TTC7B: variants seen among roughly 807,000 people sequenced by gnomAD.
The protein encoded by TTC7B is tetratricopeptide repeat domain 7B, also known as tetratricopeptide repeat protein 7B.
TTC7B carries 28 observed loss-of-function variants against 106.8 expected under a neutral mutation model. The ratio of observed to expected loss-of-function variants is 0.26; its 90% CI spans 0.19 to 0.36. The LOEUF (loss-of-function observed/expected upper bound fraction) is 0.36. Ranked by LOEUF, TTC7B falls within the 10% of genes least tolerant of loss-of-function variation. The probability of loss-of-function intolerance (pLI) is 1.00; values close to 1 mark genes in which losing one functional copy is unlikely to be tolerated. For synonymous variants in TTC7B, 405 were observed against 430.6 expected, an observed-to-expected ratio of 0.94 and a Z score of 0.74; for missense variants, 862 against 1,076.4, an observed-to-expected ratio of 0.80 and a Z score of 2.79.
intron 3 of TTC7B, among the ~76,000 whole-genome samples, chr14:90,778,569 C>T (rs1415714252): frequency 6.7e-6 from 1 of 150,256 alleles, no homozygotes; most frequent in African/African-American, 2.5e-5. Context: ...CTTTGCTGTG[C>T]TTCCAGAATG....
chr14:90,653,025 A>G, intron 12 of TTC7B, 127 bp from the exon 13 acceptor site: 2 of 943,536 alleles, frequency 2.1e-6, no homozygotes, highest in South Asian at 1.4e-5. Context: ...CTACGTGCCC[A>G]GTCCTGCACC....
At chr14:90,758,522 C>T (rs1460404058) in intron 3 of TTC7B, among the ~76,000 whole-genome samples, 2 of 152,232 alleles carry the variant, frequency 1.3e-5, no homozygotes, top group African/African-American at 2.4e-5. Flanking sequence ...ACGCCCGGAG[C>T]AGCTCCGCGC....
rs146209279 is a variant in TTC7B at position 90,605,936 on chromosome 14, A to C, written c.1966+4806T>G. On this transcript the variant is annotated intron_variant, in intron 17 of 19. Coordinates refer to ENST00000328459, the MANE Select transcript of TTC7B (RefSeq NM_001010854.2). ...TACAAGTGCTTTTCGAAGAAAACAA[A>C]TTTGTTTTTCCACTGGTTATTTAGT... 5.7e-3 allele frequency among the ~76,000 whole-genome samples: 875 copies of C among 152,374 alleles called. 11 individuals carry two copies. Among genetic ancestry groups the C allele is most frequent in the African/African-American group, 0.019 (806 of 41,584 alleles).
rs571282706 is a variant in TTC7B at position 90,565,041 on chromosome 14, T to A, written c.2310+13065A>T. Among the ~76,000 whole-genome samples the A allele has an allele frequency of 7.9e-5, 12 of 152,390 alleles. 1 individual carries two copies. Among genetic ancestry groups the A allele is most frequent in the African/African-American group, 2.6e-4 (11 of 41,592 alleles). On this transcript the variant is annotated intron_variant, in intron 19 of 19. Coordinates refer to ENST00000328459, the MANE Select transcript of TTC7B (RefSeq NM_001010854.2). ...TTGCACTTTTATGTTATGAGACAGCTTCTTAAACCTCATGAACTAACGTCT... is the reference window on the plus strand; with the variant it reads ...TTGCACTTTTATGTTATGAGACAGCATCTTAAACCTCATGAACTAACGTCT...
At chr14:90,682,466 G>T (rs1171188023) in intron 7 of TTC7B, among the ~76,000 whole-genome samples, 2 of 152,164 alleles carry the variant, frequency 1.3e-5, no homozygotes, top group African/African-American at 4.8e-5. Flanking sequence ...ACATTAGAAG[G>T]CTCCCTCTCA....
chr14:90,665,951 G>C (rs1002005154), intron 9 of TTC7B, among the ~76,000 whole-genome samples: 3 of 152,294 alleles, frequency 2.0e-5, no homozygotes, highest in Non-Finnish European at 1.5e-5. Context: ...AAGCTATTCA[G>C]ACATTTTGGG....
At chr14:90,557,347 G>C (rs1243982649) in intron 19 of TTC7B, among the ~76,000 whole-genome samples, 2 of 152,190 alleles carry the variant, frequency 1.3e-5, no homozygotes, top group African/African-American at 4.8e-5. Context: ...CACCCCTGCT[G>C]TGTGACCTCC....
Position 90,779,024 on chromosome 14 carries a change from G to T in TTC7B, c.445+1714C>A, listed in dbSNP as rs1595367364. On this transcript the variant is annotated intron_variant, in intron 3 of 19. Coordinates refer to ENST00000328459, the MANE Select transcript of TTC7B (RefSeq NM_001010854.2). The stretch of plus-strand genomic sequence containing the variant: ...CAGAAAGTGCTGGCAGCACTCAATG[G>T]CCAGCTCATGACTGTGCTGGAGGGA... Among the ~76,000 whole-genome samples the T allele has an allele frequency of 2.0e-5, 3 of 152,320 alleles. No homozygotes were observed. The East Asian group carries it at 5.8e-4, about 29-fold the overall frequency.
At chr14:90,563,894 A>C (rs1890686162) in intron 19 of TTC7B, among the ~76,000 whole-genome samples, 1 of 152,206 alleles carries the variant, frequency 6.6e-6, no homozygotes, top group South Asian at 2.1e-4. Flanking sequence ...TAATTCAGTC[A>C]CATCTCCGGG....
intron 1 of TTC7B, among the ~76,000 whole-genome samples, chr14:90,815,888 C>A (rs2031145291): frequency 1.3e-5 from 2 of 152,076 alleles, no homozygotes; most frequent in Non-Finnish European, 1.5e-5. Flanking sequence ...GAGCAGCGGA[C>A]TCGCTGAGAC....
chr14:90,741,497 C>T (rs1027665496), intron 4 of TTC7B, among the ~76,000 whole-genome samples: 1 of 152,134 alleles, frequency 6.6e-6, no homozygotes, highest in African/African-American at 2.4e-5. Flanking sequence ...CTCTGCCCAG[C>T]GGAGCAAACA....
intron 18 of TTC7B, among the ~76,000 whole-genome samples, chr14:90,586,548 G>T (rs916092811): frequency 4.3e-4 from 66 of 152,154 alleles, no homozygotes; most frequent in African/African-American, 1.5e-3. Context: ...GGGATTACAG[G>T]CATGAGCCAC....
At chr14:90,769,997 A>C (rs990220503) in intron 3 of TTC7B, among the ~76,000 whole-genome samples, 1 of 151,914 alleles carries the variant, frequency 6.6e-6, no homozygotes, top group Non-Finnish European at 1.5e-5. Context: ...AAAAATAAAA[A>C]AATTAGTAGG....
At chr14:90,583,431 C>G (rs1455548010) in intron 18 of TTC7B, among the ~76,000 whole-genome samples, 1 of 152,172 alleles carries the variant, frequency 6.6e-6, no homozygotes, top group Non-Finnish European at 1.5e-5. Flanking sequence ...AGGGAAGCAA[C>G]AGCAAATGAA....
At chr14:90,784,385 G>A (rs149174863) in intron 2 of TTC7B, among the ~76,000 whole-genome samples, 543 of 152,220 alleles carry the variant, frequency 3.6e-3, no homozygotes, top group African/African-American at 0.013. Flanking sequence ...GTGAAACCCT[G>A]TCTCTACTAA....
intron 19 of TTC7B, among the ~76,000 whole-genome samples, chr14:90,554,372 A>C (rs973843367): frequency 2.0e-5 from 3 of 152,236 alleles, no homozygotes; most frequent in Non-Finnish European, 2.9e-5. Context: ...GGAGAGGGTA[A>C]GTGTCCTGCC....
intron 14 of TTC7B, chr14:90,645,072 AAT>A (rs1223447570): frequency 6.6e-6 from 1 of 152,190 alleles, no homozygotes; most frequent in East Asian, 1.9e-4. Context: ...TAGATTTCGA[AAT>A]AGAGCTCTGG....
chr14:90,581,890 GAC>G (rs1303824105), intron 18 of TTC7B, among the ~76,000 whole-genome samples: 2 of 152,172 alleles, frequency 1.3e-5, no homozygotes, highest in Non-Finnish European at 2.9e-5. Flanking sequence ...GGAAATGGGA[GAC>G]ACAGACGGAA....
At chr14:90,672,553 A>G (rs1040218776) in intron 9 of TTC7B, among the ~76,000 whole-genome samples, 2 of 152,164 alleles carry the variant, frequency 1.3e-5, no homozygotes, top group Non-Finnish European at 2.9e-5. Context: ...TAGACCACTT[A>G]ATGCCTATCA....
Sources: gnomAD v4.1 joint callset for allele counts (sites outside exome capture counted in the v4.1 genomes callset) on GRCh38, gnomAD v4.1.1 for gene constraint, MANE v1.5 for transcripts, NCBI Gene and HGNC (gene_info 2026-07-23, HGNC 2026-07-21) for gene names.